NCKAP5: variants seen among roughly 807,000 people sequenced by gnomAD.
The protein encoded by NCKAP5 is nck-associated protein 5.
In NCKAP5, 92 loss-of-function variants were observed where a neutral mutation model predicts 167.0. The ratio of observed to expected loss-of-function variants is 0.55; its 90% CI spans 0.47 to 0.66. The LOEUF (loss-of-function observed/expected upper bound fraction) is 0.66. Among genes scored for constraint, NCKAP5 ranks in the 30% least tolerant of loss-of-function variants. The pLI, the probability that NCKAP5 is intolerant of heterozygous loss-of-function variation, is 0.00. For missense variants in NCKAP5, 2,378 were observed against 2,315.0 expected (o/e 1.03, Z -0.56); for synonymous variants, 891 against 877.4 (o/e 1.02, Z -0.27).
rs543054040 is a variant in NCKAP5 at position 133,226,277 on chromosome 2, T to C, written c.144-12498A>G. On this transcript the variant is annotated intron_variant, in intron 4 of 19. Transcript: ENST00000409261. ...TTTTTAGGCTAAATTGGAAATGCTA[T>C]CAATCTATTCCACAAATATTATGTT... is the stretch of plus-strand genomic sequence containing the variant. 2.4e-4 allele frequency among the ~76,000 whole-genome samples: 37 copies of C among 152,206 alleles called. No individual in the cohort carries two copies. The South Asian group carries it at 7.5e-3, about 31-fold the overall frequency.
At chr2:133,649,964 C>A in the NCKAP5 span, among the ~76,000 whole-genome samples, 1 of 151,660 alleles carries the variant, frequency 6.6e-6, no homozygotes, top group Non-Finnish European at 1.5e-5. Context: ...CCTAAAGACT[C>A]CACCAAAAAA....
chr2:133,134,159 T>C (rs2082704432), intron 5 of NCKAP5, among the ~76,000 whole-genome samples: 1 of 152,200 alleles, frequency 6.6e-6, no homozygotes, highest in African/African-American at 2.4e-5. Flanking sequence ...CTGTGTGCAT[T>C]ACGAGCCACA....
intron 5 of NCKAP5, among the ~76,000 whole-genome samples, chr2:133,182,838 T>C (rs2084792861): frequency 6.6e-6 from 1 of 152,052 alleles, no homozygotes; most frequent in South Asian, 2.1e-4. Context: ...TCTTGAAAAG[T>C]TCAATCAAGT....
intron 3 of NCKAP5, among the ~76,000 whole-genome samples, chr2:133,308,839 T>C (rs1168249846): frequency 2.7e-5 from 4 of 148,184 alleles, no homozygotes; most frequent in African/African-American, 9.9e-5. Flanking sequence ...GCCTCCCGAG[T>C]AGCTGGGATT....
chr2:132,697,999 T>C (rs1405661350), intron 19 of NCKAP5, among the ~76,000 whole-genome samples: 2 of 152,226 alleles, frequency 1.3e-5, no homozygotes. Flanking sequence ...TTTGTGCCTT[T>C]TATTGGCCCG....
intron 3 of NCKAP5, among the ~76,000 whole-genome samples, chr2:133,394,984 G>C (rs1687646555): frequency 1.3e-5 from 2 of 152,200 alleles, no homozygotes; most frequent in Admixed American, 6.5e-5. Context: ...GTGAGGTAAA[G>C]AAAATGTTTA....
At chr2:133,610,174 T>C in the NCKAP5 span, among the ~76,000 whole-genome samples, 1 of 152,120 alleles carries the variant, frequency 6.6e-6, no homozygotes, top group African/African-American at 2.4e-5. Context: ...CTTAATACCA[T>C]GAGAAAGAAC....
intron 3 of NCKAP5, among the ~76,000 whole-genome samples, chr2:133,458,368 G>A (rs7574980): frequency 0.013 from 2,004 of 152,058 alleles, 37 homozygotes; most frequent in African/African-American, 0.045. Context: ...ATTTCAAAAC[G>A]CCATATCCTA....
At chr2:133,430,952 A>C (rs1188104221) in intron 3 of NCKAP5, among the ~76,000 whole-genome samples, 1 of 152,022 alleles carries the variant, frequency 6.6e-6, no homozygotes, top group Non-Finnish European at 1.5e-5. Context: ...CAGGAAGCCA[A>C]AATTTTGACC....
At chr2:133,470,259 A>C (rs1338379227) in intron 3 of NCKAP5, among the ~76,000 whole-genome samples, 3 of 151,870 alleles carry the variant, frequency 2.0e-5, no homozygotes, top group Non-Finnish European at 4.4e-5. Flanking sequence ...GGTCTGTTGG[A>C]ATACCCTGCC....
the NCKAP5 span, among the ~76,000 whole-genome samples, chr2:133,578,825 G>A: frequency 1.3e-5 from 2 of 152,226 alleles, no homozygotes; most frequent in African/African-American, 2.4e-5. Context: ...ACCAAAAGGA[G>A]AAGTTTGGTT....
chr2:133,189,706 C>A (rs1247832394), intron 5 of NCKAP5, among the ~76,000 whole-genome samples: 2 of 152,130 alleles, frequency 1.3e-5, no homozygotes, highest in South Asian at 4.1e-4. Context: ...TCAATAGATG[C>A]AGAAAAGGCC....
intron 6 of NCKAP5, among the ~76,000 whole-genome samples, chr2:133,066,265 C>A (rs2080191956): frequency 6.6e-6 from 1 of 152,206 alleles, no homozygotes; most frequent in South Asian, 2.1e-4. Flanking sequence ...TTAGAACTCA[C>A]AATTGAGCCA....
chr2:133,339,276 A>G (rs1255128152), intron 3 of NCKAP5, among the ~76,000 whole-genome samples: 1 of 152,170 alleles, frequency 6.6e-6, no homozygotes, highest in African/African-American at 2.4e-5. Flanking sequence ...TGAGAAGTTT[A>G]TGGAACTTTT....
chr2:133,450,375 T>A (rs1471454409), intron 3 of NCKAP5, among the ~76,000 whole-genome samples: 1 of 152,320 alleles, frequency 6.6e-6, no homozygotes, highest in Non-Finnish European at 1.5e-5. Context: ...GTTTTCAGCA[T>A]ATGTTGACCA....
chr2:133,142,912 T>C (rs1318932955), intron 5 of NCKAP5, among the ~76,000 whole-genome samples: 2 of 152,146 alleles, frequency 1.3e-5, no homozygotes, highest in Non-Finnish European at 2.9e-5. Flanking sequence ...AAAACTTTCA[T>C]ATAAACTACT....
intron 6 of NCKAP5, among the ~76,000 whole-genome samples, chr2:133,102,313 A>T (rs750817166): frequency 2.0e-5 from 3 of 151,642 alleles, no homozygotes; most frequent in Non-Finnish European, 2.9e-5. Context: ...AGCCTGGCTA[A>T]TTTTTTTGTA....
At chr2:133,527,075 T>A (rs923661216) in intron 2 of NCKAP5, 3 of 152,042 alleles carry the variant, frequency 2.0e-5, no homozygotes, top group Non-Finnish European at 2.9e-5. Context: ...CTTTTTTTTT[T>A]TCTTTGAGCA....
At chr2:133,478,387 G>A (rs1036649358) in intron 3 of NCKAP5, among the ~76,000 whole-genome samples, 7 of 152,082 alleles carry the variant, frequency 4.6e-5, no homozygotes, top group African/African-American at 9.7e-5. Flanking sequence ...CTTCCAACAG[G>A]TGCAAGAGGA....
Sources: gnomAD v4.1 joint callset for allele counts (sites outside exome capture counted in the v4.1 genomes callset) on GRCh38, gnomAD v4.1.1 for gene constraint, MANE v1.5 for transcripts, NCBI Gene and HGNC (gene_info 2026-07-23, HGNC 2026-07-21) for gene names.